Variants in UNC79 observed in about 807,000 individuals in gnomAD.
UNC79 encodes unc-79 subunit of NALCN channel complex, also known as protein unc-79 homolog.
Under a neutral mutation model 283.1 loss-of-function variants are expected in UNC79, and 37 were observed. The ratio of observed to expected loss-of-function variants is 0.13; its 90% CI spans 0.10 to 0.17. UNC79 has a LOEUF of 0.17. Ranked by LOEUF, UNC79 falls within the 10% of genes least tolerant of loss-of-function variation. The probability of loss-of-function intolerance (pLI) is 1.00; values close to 1 mark genes in which losing one functional copy is unlikely to be tolerated. For synonymous variants in UNC79, 1,107 were observed against 1,200.2 expected (o/e 0.92, Z 1.61); for missense variants, 2,272 against 3,211.1 (o/e 0.71, Z 7.07).
intron 42 of UNC79, among the ~76,000 whole-genome samples, chr14:93,685,949 C>A (rs2074206939): frequency 1.3e-5 from 2 of 152,160 alleles, no homozygotes; most frequent in South Asian, 4.1e-4. Flanking sequence ...CATTTCGTTT[C>A]TTTCTTTTAT....
At chr14:93,514,072 A>G (rs944103927) in intron 7 of UNC79, among the ~76,000 whole-genome samples, 2 of 152,234 alleles carry the variant, frequency 1.3e-5, no homozygotes, top group Admixed American at 6.5e-5. Context: ...AAGTAAGCAT[A>G]AGAAAATAAA....
chr14:93,391,772 TA>T lies in UNC79; in HGVS notation c.-351+58256del, dbSNP rs1270961713. On this transcript the variant is annotated intron_variant, in intron 1 of 49. Transcript: ENST00000256339. ...ACATGAAGTATTCCTTCATATTAATTAAAAAAAGACGATTTATATAAAATGA... is the reference window on the plus strand; with the variant it reads ...ACATGAAGTATTCCTTCATATTAATTAAAAAAGACGATTTATATAAAATGA... Among the ~76,000 whole-genome samples the T allele has an allele frequency of 4.6e-5, 7 of 152,126 alleles. No homozygotes were observed. The East Asian group carries it at 5.8e-4, about 13-fold the overall frequency.
At chr14:93,482,913 C>T (rs923021310) in intron 4 of UNC79, among the ~76,000 whole-genome samples, 4 of 152,180 alleles carry the variant, frequency 2.6e-5, no homozygotes, top group African/African-American at 9.7e-5. Flanking sequence ...ATTCAGTGCC[C>T]TTCCTTAGCT....
chr14:93,592,650 A>G lies in UNC79; in HGVS notation c.3033-1030A>G, dbSNP rs189281942. Among the ~76,000 whole-genome samples the G allele has an allele frequency of 5.0e-4, 76 of 152,320 alleles. 1 individual carries two copies. In the Middle Eastern group the frequency reaches 0.017, roughly 34 times the overall value. ...TGTTCAAGGGTCAACTGTAGTTTTG[A>G]TTCTGATATTGACTCTGGAGTCAAA... On this transcript the variant is annotated intron_variant, in intron 22 of 48. Coordinates refer to ENST00000555664, the Ensembl canonical transcript of UNC79.
At position 93,600,781 on chromosome 14, in the gene UNC79, T is replaced by A. The variant is rs941939687; in HGVS notation, c.3574+11T>A. On this transcript the variant is annotated intron_variant, in intron 25 of 48. Transcript: ENST00000555664. ...TTCCTTTTCCTACAAGTAAGTAAAATGAAGAACTTGCTGTAAACCGTTGCA... is the reference window on the plus strand; with the variant it reads ...TTCCTTTTCCTACAAGTAAGTAAAAAGAAGAACTTGCTGTAAACCGTTGCA... 4 of 1,609,652 alleles carry A rather than the reference T, an allele frequency of 2.5e-6. No individual in the cohort carries two copies. Among genetic ancestry groups the A allele is most frequent in the Non-Finnish European group, 3.4e-6 (4 of 1,176,626 alleles).
chr14:93,514,731 G>A (rs2059976835), intron 7 of UNC79, among the ~76,000 whole-genome samples: 1 of 152,110 alleles, frequency 6.6e-6, no homozygotes, highest in African/African-American at 2.4e-5. Context: ...ATTTCTTACT[G>A]AGTTCCATTT....
intron 1 of UNC79, among the ~76,000 whole-genome samples, chr14:93,453,365 G>A (rs904481982): frequency 6.6e-6 from 1 of 152,028 alleles, no homozygotes; most frequent in Non-Finnish European, 1.5e-5. Context: ...GTATATCCCC[G>A]AAATTATTTG....
chr14:93,397,114 A>G (rs1844014443), intron 1 of UNC79: 1 of 97,216 alleles, frequency 1.0e-5, no homozygotes. Flanking sequence ...TTATGAATTT[A>G]TTTGTTTATT....
At chr14:93,343,278 T>C (rs2053751520) in intron 1 of UNC79, among the ~76,000 whole-genome samples, 1 of 152,246 alleles carries the variant, frequency 6.6e-6, no homozygotes, top group Non-Finnish European at 1.5e-5. Context: ...TGGGGAGGCC[T>C]CAGCAAACTT....
chr14:93,566,450 G>A (rs2062886027), intron 14 of UNC79, among the ~76,000 whole-genome samples: 3 of 152,080 alleles, frequency 2.0e-5, no homozygotes, highest in Admixed American at 2.0e-4. Flanking sequence ...GCTGGGCTGG[G>A]CAGAGCATGT....
At position 93,692,039 on chromosome 14, in the gene UNC79, G is replaced by T. The variant is rs543239991; in HGVS notation, c.7470+93G>T. The T allele has an allele frequency of 6.4e-4, 904 of 1,423,490 alleles. 1 individual carries two copies. Among genetic ancestry groups the T allele is most frequent in the Non-Finnish European group, 8.5e-4 (866 of 1,016,234 alleles). 88.2% of individuals were successfully genotyped at this position (1,423,490 alleles called of 1,614,324 possible). On this transcript the variant is annotated intron_variant, in intron 46 of 48. Transcript: ENST00000555664. ...ACACTCCCTGTTTTCACAGATCTCA[G>T]TTGTAAGGTTATATAAATGGATCGG...
intron 1 of UNC79, among the ~76,000 whole-genome samples, chr14:93,400,046 A>C (rs1240485735): frequency 6.6e-6 from 1 of 152,194 alleles, no homozygotes; most frequent in East Asian, 1.9e-4. Flanking sequence ...TCATTGACCC[A>C]ACTCAGGTAT....
At chr14:93,439,555 G>C (rs2056217556) in intron 1 of UNC79, among the ~76,000 whole-genome samples, 1 of 151,962 alleles carries the variant, frequency 6.6e-6, no homozygotes, top group Non-Finnish European at 1.5e-5. Flanking sequence ...GTTTTTCTGG[G>C]GGGTAGAGTG....
intron 30 of UNC79, among the ~76,000 whole-genome samples, chr14:93,626,816 A>G (rs780203283): frequency 6.6e-6 from 1 of 152,172 alleles, no homozygotes; most frequent in Non-Finnish European, 1.5e-5. Context: ...TTTGGAAGAG[A>G]CAAACGTTAG....
intron 2 of UNC79, among the ~76,000 whole-genome samples, chr14:93,470,047 GA>G (rs1218778036): frequency 2.1e-5 from 3 of 143,436 alleles, no homozygotes; most frequent in African/African-American, 5.2e-5. Context: ...TTTATGTTCA[GA>G]AGCACTTCTT....
At chr14:93,532,334 G>A (rs998809890) in intron 10 of UNC79, among the ~76,000 whole-genome samples, 5 of 151,616 alleles carry the variant, frequency 3.3e-5, no homozygotes, top group Non-Finnish European at 7.4e-5. Context: ...AGCTGGGCAT[G>A]GAAGCCCACA....
intron 7 of UNC79, among the ~76,000 whole-genome samples, chr14:93,513,211 C>CTTCCTTCCTTCT (rs1199872515): frequency 1.1e-5 from 1 of 93,414 alleles, no homozygotes; most frequent in Admixed American, 1.1e-4. Flanking sequence ...TCTTTCCTTC[C>CTTCCTTCCTTCT]TTCCTTCCTT....
chr14:93,435,175 C>A (rs2140108063), intron 1 of UNC79, among the ~76,000 whole-genome samples: 1 of 152,264 alleles, frequency 6.6e-6, no homozygotes, highest in East Asian at 1.9e-4. Context: ...TTGCAAACTT[C>A]TTATAGAGGA....
At chr14:93,614,632 G>A (rs1327133786) in intron 27 of UNC79, among the ~76,000 whole-genome samples, 7 of 138,212 alleles carry the variant, frequency 5.1e-5, no homozygotes, top group African/African-American at 2.0e-4. Flanking sequence ...GTTTGTGTGT[G>A]TTTAAAAAAA....
Sources: allele counts gnomAD v4.1 joint callset (sites outside exome capture counted in the v4.1 genomes callset), GRCh38; gene constraint gnomAD v4.1.1; transcripts MANE v1.5; gene names NCBI Gene and HGNC (gene_info 2026-07-23, HGNC 2026-07-21).